The following DCAF8 variants were observed in gnomAD, a reference collection of about 807,000 sequenced individuals.
DCAF8 encodes the protein DDB1- and CUL4-associated factor 8.
DCAF8 carries 20 observed loss-of-function variants against 68.0 expected under a neutral mutation model. The ratio of observed to expected loss-of-function variants is 0.29; its 90% CI spans 0.21 to 0.43. DCAF8 has a LOEUF of 0.43. DCAF8 is among the 20% of genes least tolerant of loss of function. The pLI is 1.00. For missense variants in DCAF8, 460 were observed against 771.0 expected, an observed-to-expected ratio of 0.60 and a Z score of 4.78; for synonymous variants, 230 against 276.9, an observed-to-expected ratio of 0.83 and a Z score of 1.68.
chr1:160,253,509 G>A (rs562388250), intron 2 of DCAF8, among the ~76,000 whole-genome samples: 7 of 151,898 alleles, frequency 4.6e-5, no homozygotes, highest in East Asian at 3.9e-4. Context: ...TTAGCCACAC[G>A]CGGTGGCATA....
intron 6 of DCAF8, among the ~76,000 whole-genome samples, chr1:160,232,066 C>A (rs181626424): frequency 1.6e-4 from 25 of 152,210 alleles, no homozygotes; most frequent in Admixed American, 7.9e-4. Context: ...TGGCGCATGC[C>A]TATCATCCCA....
chr1:160,256,372 TA>T (rs1485262774), intron 2 of DCAF8, among the ~76,000 whole-genome samples: 1 of 152,120 alleles, frequency 6.6e-6, no homozygotes, highest in African/African-American at 2.4e-5. Flanking sequence ...AATAAAACAT[TA>T]AAGAGAGGCT....
intron 11 of DCAF8, among the ~76,000 whole-genome samples, chr1:160,221,455 G>A (rs1655294004): frequency 6.6e-6 from 1 of 152,150 alleles, no homozygotes; most frequent in Non-Finnish European, 1.5e-5. Context: ...CTAGATCTAT[G>A]CAGGTCCCAG....
intron 10 of DCAF8, 56 bp downstream of exon 10, chr1:160,224,386 G>T: frequency 7.7e-7 from 1 of 1,303,974 alleles, no homozygotes. Flanking sequence ...GTAAGACACT[G>T]TGGTTCTCCA....
At chr1:160,227,252 G>T (rs1400468051) in intron 7 of DCAF8, among the ~76,000 whole-genome samples, 1 of 152,190 alleles carries the variant, frequency 6.6e-6, no homozygotes, top group Non-Finnish European at 1.5e-5. Flanking sequence ...AGGAGAGAAG[G>T]TGCTTCAGGG....
At chr1:160,262,276 CG>C in intron 1 of DCAF8, 172 bp downstream of exon 1, 1 of 399,080 alleles carries the variant, frequency 2.5e-6, no homozygotes, top group South Asian at 1.3e-4. Context: ...AGACACAGAC[CG>C]GGTAGGTCAA....
At chr1:160,221,734 T>G (rs917543366) in intron 11 of DCAF8, among the ~76,000 whole-genome samples, 1 of 151,512 alleles carries the variant, frequency 6.6e-6, no homozygotes, top group African/African-American at 2.4e-5. Flanking sequence ...TAATTTAGTC[T>G]TCCAAACTGT....
intron 2 of DCAF8, among the ~76,000 whole-genome samples, chr1:160,246,974 TAA>T (rs970160008): frequency 6.6e-6 from 1 of 152,094 alleles, no homozygotes; most frequent in Non-Finnish European, 1.5e-5. Flanking sequence ...AAATAAAAAA[TAA>T]AAAATCTTTT....
intron 2 of DCAF8, 43 bp from the exon 3 acceptor site, chr1:160,244,077 C>A (rs756102808): frequency 1.4e-6 from 2 of 1,444,138 alleles, no homozygotes; most frequent in Non-Finnish European, 1.9e-6. Flanking sequence ...TAGGAAACCA[C>A]CTGGGAAAGA....
chr1:160,217,549 A>G lies in DCAF8; in HGVS notation c.*43T>C, dbSNP rs1288418980. 6.8e-7 allele frequency: 1 copy of G among 1,465,308 alleles called. No individual in the cohort carries two copies. The highest frequency in any genetic ancestry group is 1.7e-5 in the Admixed American group (1 of 57,866). The allele number at this position is 1,465,308 out of a possible 1,614,324, so 90.8% of individuals were successfully genotyped here. On this transcript the variant is annotated 3_prime_UTR_variant, in exon 14 of 14. Coordinates refer to ENST00000368074, the MANE Select transcript of DCAF8 (RefSeq NM_015726.4). ...GACAGGAAAGGGTTGCCCAGGCAGG[A>G]TCAGGTTGGCAGCCCCAGCCTGCCC...
rs1655925971 is a variant in DCAF8 at position 160,237,150 on chromosome 1, T to A, written c.944A>T (p.Gln315Leu). The change falls in exon 6 of 14, where the codon CAA becomes CTA. Residue 315 changes from glutamine to leucine, a missense_variant. Physicochemically the swap from Gln to Leu is moderately radical, Grantham distance 113. This residue lies in a region of DCAF8 where 170 missense variants were observed against 318.2 expected (regional missense o/e 0.53). Coordinates refer to ENST00000368074, the MANE Select transcript of DCAF8 (RefSeq NM_015726.4). Reference sequence around the variant, plus strand: ...CTACACTTACGACGCTGGGCGGTCTTGTCTCAGGTCAATGGTGAAAACAAC... The same window carrying A: ...CTACACTTACGACGCTGGGCGGTCTAGTCTCAGGTCAATGGTGAAAACAAC... Reference protein sequence around the residue: ...DAVVFTIDLRQDRPASKLVVT... With the variant: ...DAVVFTIDLRLDRPASKLVVT... 1 of 1,569,844 alleles carries A rather than the reference T, an allele frequency of 6.4e-7. No homozygotes were observed. Among genetic ancestry groups the A allele is most frequent in the South Asian group, 1.2e-5 (1 of 85,500 alleles).
intron 6 of DCAF8, among the ~76,000 whole-genome samples, chr1:160,233,561 T>G (rs1035372989): frequency 6.6e-6 from 1 of 152,194 alleles, no homozygotes; most frequent in Non-Finnish European, 1.5e-5. Context: ...ACTGCTCTAA[T>G]ATGAGTTTTA....
At chr1:160,224,370 AC>A in intron 10 of DCAF8, 71 bp downstream of exon 10, 1 of 1,141,424 alleles carries the variant, frequency 8.8e-7, no homozygotes, top group African/African-American at 1.5e-5. Context: ...TATTTGTATA[AC>A]CTGAGTAAGA....
intron 2 of DCAF8, among the ~76,000 whole-genome samples, chr1:160,253,401 A>C (rs753628305): frequency 6.6e-6 from 1 of 152,098 alleles, no homozygotes; most frequent in East Asian, 1.9e-4. Flanking sequence ...TAATCCCAGC[A>C]CTTTGGGAGG....
chr1:160,222,849 A>G, intron 10 of DCAF8, 68 bp from the exon 11 acceptor site: 1 of 1,596,330 alleles, frequency 6.3e-7, no homozygotes, highest in Non-Finnish European at 8.6e-7. Flanking sequence ...TTCATCTCAA[A>G]GGGAATTTAG....
Position 160,224,597 on chromosome 1 carries a change from AG to A in DCAF8, c.1202-49del, listed in dbSNP as rs745698198. 6 of 1,469,544 alleles carry A rather than the reference AG, an allele frequency of 4.1e-6. No homozygotes were observed. In the African/African-American group the frequency reaches 6.9e-5, roughly 17 times the overall value. The allele number at this position is 1,469,544 out of a possible 1,614,324, so 91.0% of individuals were successfully genotyped here. On this transcript the variant is annotated intron_variant, in intron 9 of 13. Coordinates refer to ENST00000368074, the MANE Select transcript of DCAF8 (RefSeq NM_015726.4). ...AGTGAAGGCAAAGGCTGAAAAAAGC[AG>A]GGACCAGGAGGTGGGGGTTGGGGTG...
At position 160,218,391 on chromosome 1, in the gene DCAF8, G is replaced by A; in HGVS notation, c.1610C>T (p.Thr537Ile). Residue 537 changes from threonine (T) to isoleucine (I), a missense_variant, in exon 13 of 14, where the codon ACT (threonine) becomes ATT (isoleucine). Coordinates refer to ENST00000368074, the MANE Select transcript of DCAF8 (RefSeq NM_015726.4). ...CAGCATGTGACTATCAAACAGGTCAGTTTGGTGCAAGCTATCTTCATCCCG... is the reference window on the plus strand; with the variant it reads ...CAGCATGTGACTATCAAACAGGTCAATTTGGTGCAAGCTATCTTCATCCCG... ...RERDEDSLHQTDLFDSHMLWF... is the reference protein window; with the variant it reads ...RERDEDSLHQIDLFDSHMLWF... The A allele has an allele frequency of 6.2e-7, 1 of 1,614,212 alleles. No individual in the cohort carries two copies. Among genetic ancestry groups the A allele is most frequent in the South Asian group, 1.1e-5 (1 of 91,080 alleles).
At chr1:160,230,943 CAG>C (rs1655660175) in intron 7 of DCAF8, among the ~76,000 whole-genome samples, 2 of 150,506 alleles carry the variant, frequency 1.3e-5, no homozygotes, top group African/African-American at 5.0e-5. Flanking sequence ...TTTTTAGAGA[CAG>C]AGTTTTGCCA....
rs558675701 is a variant in DCAF8, at chr1:160,217,946, A to C, written c.1678-238T>G. The C allele has an allele frequency of 2.3e-5, 12 of 516,040 alleles. No homozygotes were observed. The South Asian group carries it at 4.0e-4, about 17-fold the overall frequency. The allele number at this position is 516,040 out of a possible 1,614,324, so 32.0% of individuals were successfully genotyped here. On this transcript the variant is annotated intron_variant, in intron 13 of 13. Coordinates refer to ENST00000368074, the MANE Select transcript of DCAF8 (RefSeq NM_015726.4). ...GAATGGGTATGGCTGCAAGCCAATG[A>C]AACTTTATTTACAAAAACCAGCAGC... is the stretch of plus-strand genomic sequence containing the variant.
Sources: gnomAD v4.1 joint callset for allele counts (sites outside exome capture counted in the v4.1 genomes callset) on GRCh38, gnomAD v4.1.1 for gene constraint, gnomAD v4.1.1 regional missense constraint, MANE v1.5 for transcripts, NCBI Gene and HGNC (gene_info 2026-07-23, HGNC 2026-07-21) for gene names.